Variants in ERMARD observed in about 807,000 individuals in gnomAD.
ERMARD encodes ER membrane associated RNA degradation, also known as endoplasmic reticulum membrane-associated RNA degradation protein.
ERMARD carries 71 observed loss-of-function variants against 83.9 expected under a neutral mutation model. That is an observed-to-expected ratio of 0.85 (90% confidence interval 0.70 to 1.03). The LOEUF is 1.03. ERMARD is among the 50% of genes least tolerant of loss of function. ERMARD has a pLI of 0.00. For synonymous variants in ERMARD, 284 were observed against 298.6 expected (o/e 0.95, Z 0.50); for missense variants, 838 against 810.9 (o/e 1.03, Z -0.41).
chr6:169,777,887 A>G (rs1291935773), intron 16 of ERMARD, among the ~76,000 whole-genome samples: 1 of 152,038 alleles, frequency 6.6e-6, no homozygotes, highest in African/African-American at 2.4e-5. Context: ...TAGACTTTAC[A>G]AGTTCTTATA....
intron 17 of ERMARD, among the ~76,000 whole-genome samples, chr6:169,779,668 G>C (rs1421008467): frequency 1.3e-5 from 2 of 152,088 alleles, no homozygotes; most frequent in African/African-American, 4.8e-5. Context: ...ATTTTTAAAT[G>C]TTTTTGTAGA....
At position 169,753,914 on chromosome 6, in the gene ERMARD, T is replaced by C. The variant is rs778273730; in HGVS notation, c.57T>C (p.Asp19=). Residue 19 remains aspartate, a synonymous_variant, in exon 2 of 18, where the codon GAT becomes GAC. Transcript: ENST00000366773. ...ITTCLSPSVY[D]IICNLGFQLR... is the part of the protein sequence containing the mutation. ...CATGTCTTTCTCCCTCAGTGTATGA[T>C]ATAATTTGTAATCTTGGGTTTCAAC... The C allele has an allele frequency of 6.2e-7, 1 of 1,613,112 alleles. No individual in the cohort carries two copies. Among genetic ancestry groups the C allele is most frequent in the Admixed American group, 1.7e-5 (1 of 59,938 alleles).
At chr6:169,759,519 A>G (rs1025837056) in intron 6 of ERMARD, among the ~76,000 whole-genome samples, 1 of 152,116 alleles carries the variant, frequency 6.6e-6, no homozygotes, top group Non-Finnish European at 1.5e-5. Flanking sequence ...TCCCAGGCTT[A>G]AGTGATCCTC....
At chr6:169,779,430 C>G in intron 17 of ERMARD, 135 bp downstream of exon 17, 1 of 727,868 alleles carries the variant, frequency 1.4e-6, no homozygotes, top group South Asian at 1.6e-5. Context: ...AGGCAAGGGT[C>G]TGACATCTGG....
chr6:169,772,231 G>A (rs540421807), intron 12 of ERMARD, among the ~76,000 whole-genome samples: 4 of 152,174 alleles, frequency 2.6e-5, no homozygotes, highest in Admixed American at 6.5e-5. Context: ...GGAAGCCCTC[G>A]GATGGGTTCA....
In ERMARD at chr6:169,758,844, C is replaced by T. The variant is rs541833598; in HGVS notation, c.508-124C>T. 5 of 749,166 alleles carry T rather than the reference C, an allele frequency of 6.7e-6. No individual in the cohort carries two copies. The South Asian group carries it at 7.8e-5, about 12-fold the overall frequency. 46.4% of individuals were successfully genotyped at this position (749,166 alleles called of 1,614,324 possible). ...TCAGTAAATGTTGGTTTTATTATTA[C>T]TGCTATATACTAGCCAAAACTGTTG... is the stretch of plus-strand genomic sequence containing the variant. On this transcript the variant is annotated intron_variant, in intron 5 of 17. Coordinates refer to ENST00000366773, the MANE Select transcript of ERMARD (RefSeq NM_018341.3).
At chr6:169,752,681 G>C (rs1405500773) in intron 1 of ERMARD, among the ~76,000 whole-genome samples, 2 of 152,080 alleles carry the variant, frequency 1.3e-5, no homozygotes, top group Non-Finnish European at 2.9e-5. Context: ...TCACAACACA[G>C]CCCCCCCTTA....
intron 5 of ERMARD, 80 bp from the exon 6 acceptor site, chr6:169,758,888 G>A (rs1418041571): frequency 7.7e-7 from 1 of 1,302,386 alleles, no homozygotes; most frequent in African/African-American, 1.5e-5. Flanking sequence ...TTAAAAAGAG[G>A]AACACAAATG....
Position 169,776,701 on chromosome 6 carries a change from G to A in ERMARD, c.1739+28G>A, listed in dbSNP as rs950952451. On this transcript the variant is annotated intron_variant, in intron 16 of 17. Transcript: ENST00000366773. The stretch of plus-strand genomic sequence containing the variant: ...GCGCGCTCACTTTCCTGTTTTGGAG[G>A]GGCACTGTGGGGCAGGAAGTTGTCA... The A allele has an allele frequency of 3.7e-6, 6 of 1,608,956 alleles. No individual in the cohort carries two copies. In the African/African-American group the frequency reaches 4.0e-5, roughly 11 times the overall value.
At chr6:169,752,309 C>G (rs901270816) in intron 1 of ERMARD, among the ~76,000 whole-genome samples, 1 of 152,202 alleles carries the variant, frequency 6.6e-6, no homozygotes, top group Non-Finnish European at 1.5e-5. Context: ...CTACCAGGTG[C>G]AGCCTGGCAC....
chr6:169,751,741 C>T (rs1790128516), intron 1 of ERMARD, 78 bp downstream of exon 1: 1 of 1,460,974 alleles, frequency 6.8e-7, no homozygotes, highest in Admixed American at 2.8e-5. Flanking sequence ...CTCGGCTACG[C>T]GGAGTGGGCG....
chr6:169,769,840 A>C (rs1318084324), intron 12 of ERMARD, 127 bp downstream of exon 12: 1 of 810,710 alleles, frequency 1.2e-6, no homozygotes, highest in Non-Finnish European at 1.8e-6. Flanking sequence ...ATCCTCCATC[A>C]GAAAAAAAAG....
chr6:169,759,308 G>C (rs143031348), intron 6 of ERMARD, among the ~76,000 whole-genome samples: 1 of 152,140 alleles, frequency 6.6e-6, no homozygotes, highest in South Asian at 2.1e-4. Context: ...TGCCATTCAC[G>C]TCCTGGGTGG....
chr6:169,767,093 A>G (rs1378536037), intron 10 of ERMARD: 1 of 156,916 alleles, frequency 6.4e-6, no homozygotes, highest in Admixed American at 6.5e-5. Context: ...TCAGCCACGG[A>G]GCGCACAGGC....
chr6:169,751,533 G>A (rs1247163780), upstream of ERMARD: 35 of 1,610,478 alleles, frequency 2.2e-5, no homozygotes, highest in Admixed American at 3.4e-5. Context: ...AGTCCCGCGA[G>A]GGCGGAAGTC....
Position 169,779,290 on chromosome 6 carries a change from C to T in ERMARD, c.1848C>T (p.Tyr616=), listed in dbSNP as rs369662404. 1.2e-5 allele frequency: 20 copies of T among 1,613,562 alleles called. No homozygotes were observed. The highest frequency in any genetic ancestry group is 6.7e-5 in the East Asian group (3 of 44,888). Residue 616 remains tyrosine (Y), a synonymous_variant, in exon 17 of 18, where the codon TAC becomes TAT. Coordinates refer to ENST00000366773, the MANE Select transcript of ERMARD (RefSeq NM_018341.3). ...AGAATGCGCATGAGTATCAGCAGTA[C>T]CTAAAGTAAGTGTGTCACAGTATGT... ...CGKNAHEYQQ[Y]LKFVKSILQY... is the part of the protein sequence containing the mutation.
intron 13 of ERMARD, 33 bp downstream of exon 13, chr6:169,773,435 G>A (rs376210332): frequency 5.6e-5 from 90 of 1,601,806 alleles, no homozygotes; most frequent in Non-Finnish European, 7.6e-5. Context: ...GGAGGGGCGT[G>A]TATGTCTCTG....
At position 169,766,670 on chromosome 6, in the gene ERMARD, A is replaced by G. The variant is rs1312015036; in HGVS notation, c.990+3A>G. ...CTCTTTATACCACCTTTGATCAAGT[A>G]AGTAAGTAAACTTGTAAGGTAACTT... On this transcript the variant is annotated splice_donor_region_variant and intron_variant, in intron 10 of 17. Transcript: ENST00000366773. 1 of 1,572,768 alleles carries G rather than the reference A, an allele frequency of 6.4e-7. No homozygotes were observed. The highest frequency in any genetic ancestry group is 1.2e-5 in the South Asian group (1 of 83,174).
chr6:169,768,925 A>G lies in ERMARD; in HGVS notation c.1060-615A>G, dbSNP rs187973112. On this transcript the variant is annotated intron_variant, in intron 11 of 17. Coordinates refer to ENST00000366773, the MANE Select transcript of ERMARD (RefSeq NM_018341.3). ...TAGGTATTTGACATTTATTCCTTCT[A>G]ACAGTCAGGCGACCTAGAATCATGC... is the stretch of plus-strand genomic sequence containing the variant. 1.1e-4 allele frequency among the ~76,000 whole-genome samples: 16 copies of G among 152,346 alleles called. No homozygotes were observed. The East Asian group carries it at 2.7e-3, about 26-fold the overall frequency.
Sources: allele counts gnomAD v4.1 joint callset (sites outside exome capture counted in the v4.1 genomes callset), GRCh38; gene constraint gnomAD v4.1.1; transcripts MANE v1.5; gene names NCBI Gene and HGNC (gene_info 2026-07-23, HGNC 2026-07-21).